MACROD1: variants seen among roughly 807,000 people sequenced by gnomAD.
MACROD1 encodes ADP-ribose glycohydrolase MACROD1.
Under a neutral mutation model 41.4 loss-of-function variants are expected in MACROD1, and 31 were observed. The observed-to-expected ratio is 0.75, with a 90% confidence interval of 0.56 to 1.01. The LOEUF is 1.01. MACROD1 is among the 50% of genes least tolerant of loss of function. The probability of loss-of-function intolerance (pLI) is 0.00; values close to 1 mark genes in which losing one functional copy is unlikely to be tolerated. For missense variants in MACROD1, 473 were observed against 460.0 expected, an observed-to-expected ratio of 1.03 and a Z score of -0.26; for synonymous variants, 252 against 203.4, an observed-to-expected ratio of 1.24 and a Z score of -2.03.
At chr11:64,123,297 G>A (rs1022784219) in intron 3 of MACROD1, among the ~76,000 whole-genome samples, 10 of 152,192 alleles carry the variant, frequency 6.6e-5, no homozygotes, top group Non-Finnish European at 1.5e-4. Context: ...ACTCACAGGC[G>A]ATTCGCAGCC....
At chr11:64,001,623 A>G in intron 4 of MACROD1, 1 of 701,222 alleles carries the variant, frequency 1.4e-6, no homozygotes, top group South Asian at 1.5e-5. Context: ...GCAATTTCCC[A>G]GAGCGTCCCA....
intron 3 of MACROD1, among the ~76,000 whole-genome samples, chr11:64,016,104 C>T (rs944027997): frequency 3.3e-5 from 5 of 152,154 alleles, no homozygotes; most frequent in African/African-American, 7.2e-5. Flanking sequence ...GCTGGACTGA[C>T]GGCTTTGTGG....
At chr11:64,154,863 G>A (rs991809332) in intron 1 of MACROD1, among the ~76,000 whole-genome samples, 5 of 152,130 alleles carry the variant, frequency 3.3e-5, no homozygotes, top group African/African-American at 9.7e-5. Flanking sequence ...GGGATTACAC[G>A]CGTGTGCCAG....
intron 4 of MACROD1, among the ~76,000 whole-genome samples, chr11:64,010,551 AT>A: frequency 9.7e-6 from 1 of 102,888 alleles, no homozygotes; most frequent in Non-Finnish European, 1.9e-5. Flanking sequence ...GTTGGTTGGC[AT>A]GTGTTGGTTG....
intron 3 of MACROD1, among the ~76,000 whole-genome samples, chr11:64,017,585 G>A (rs1005712147): frequency 2.0e-5 from 3 of 152,036 alleles, no homozygotes; most frequent in Non-Finnish European, 2.9e-5. Context: ...AGAGTACCCC[G>A]CAAGCCCCAG....
intron 3 of MACROD1, among the ~76,000 whole-genome samples, chr11:64,032,882 T>C (rs1590816623): frequency 6.6e-6 from 1 of 152,178 alleles, no homozygotes; most frequent in African/African-American, 2.4e-5. Context: ...CAGGTTTGTC[T>C]AAGACCCTGC....
At chr11:64,097,013 G>C (rs1944588556) in intron 3 of MACROD1, among the ~76,000 whole-genome samples, 1 of 152,210 alleles carries the variant, frequency 6.6e-6, no homozygotes, top group South Asian at 2.1e-4. Context: ...AAAGGCACAA[G>C]AGCACTCCAG....
chr11:64,032,638 G>A (rs1366078360), intron 3 of MACROD1, among the ~76,000 whole-genome samples: 3 of 152,062 alleles, frequency 2.0e-5, no homozygotes, highest in Non-Finnish European at 4.4e-5. Context: ...CTGCCCTTGC[G>A]GCTGAGTGCA....
intron 3 of MACROD1, among the ~76,000 whole-genome samples, chr11:64,045,271 C>G (rs59863478): frequency 6.6e-6 from 1 of 152,180 alleles, no homozygotes; most frequent in South Asian, 2.1e-4. Flanking sequence ...GGCGGCCTGC[C>G]GTCACAGAGC....
Position 64,122,570 on chromosome 11 carries a change from G to C in MACROD1, c.517+28669C>G, listed in dbSNP as rs1458105989. On this transcript the variant is annotated intron_variant, in intron 3 of 10. Transcript: ENST00000255681. This position sits in a 1 kb window ranked among gnomAD's most constrained non-coding sequence, Gnocchi z 4.0. ...GCCCAGCCCTGTCCGAACAAAGCCA[G>C]GCAGAGAGCTGAGGAGGGGGTCGGG... is the stretch of plus-strand genomic sequence containing the variant. Among the ~76,000 whole-genome samples, 1 of 152,256 alleles carries C rather than the reference G, an allele frequency of 6.6e-6. No individual in the cohort carries two copies. Among genetic ancestry groups the C allele is most frequent in the African/African-American group, 2.4e-5 (1 of 41,462 alleles).
intron 3 of MACROD1, among the ~76,000 whole-genome samples, chr11:64,057,397 G>C (rs1409240294): frequency 6.6e-6 from 1 of 152,200 alleles, no homozygotes; most frequent in African/African-American, 2.4e-5. Flanking sequence ...AAACCTCATG[G>C]GGAGTGACCC....
At chr11:64,138,887 C>A (rs1218013726) in intron 3 of MACROD1, among the ~76,000 whole-genome samples, 1 of 152,118 alleles carries the variant, frequency 6.6e-6, no homozygotes, top group Non-Finnish European at 1.5e-5. Context: ...CCTGCCTCAG[C>A]CTCCCGAGTA....
At chr11:64,116,978 G>C in intron 3 of MACROD1, 1 of 1,612,110 alleles carries the variant, frequency 6.2e-7, no homozygotes, top group Non-Finnish European at 8.5e-7. Flanking sequence ...TGGCCAACCA[G>C]CGCATCGCCG....
chr11:64,133,614 C>T (rs1387693947), intron 3 of MACROD1, among the ~76,000 whole-genome samples: 1 of 152,234 alleles, frequency 6.6e-6, no homozygotes, highest in Non-Finnish European at 1.5e-5. Flanking sequence ...GGGCATGGCC[C>T]TGCCACCCGC....
In MACROD1 at chr11:64,151,359, G is replaced by C. The variant is rs145110640; in HGVS notation, c.401-4C>G. The C allele has an allele frequency of 1.5e-4, 243 of 1,608,458 alleles. No homozygotes were observed. The African/African-American group carries it at 2.2e-3, about 15-fold the overall frequency. On this transcript the variant is annotated splice_polypyrimidine_tract_variant and splice_region_variant and intron_variant, in intron 2 of 10. Coordinates refer to ENST00000255681, the MANE Select transcript of MACROD1 (RefSeq NM_014067.4). ...TCCTCCACCTTCACAGCCACCCCTG[G>C]AACAAGTAGGGGCCGGGGAGGTCAC...
intron 4 of MACROD1, among the ~76,000 whole-genome samples, chr11:64,014,865 G>A (rs745937433): frequency 6.6e-5 from 10 of 152,194 alleles, no homozygotes; most frequent in East Asian, 5.8e-4. Context: ...TCCTGGCTGC[G>A]GAGCCCGAGG....
At chr11:64,015,427 G>C in intron 3 of MACROD1, 146 bp from the exon 4 acceptor site, 2 of 660,184 alleles carry the variant, frequency 3.0e-6, no homozygotes, top group Non-Finnish European at 5.2e-6. Context: ...GTCCTCCGGG[G>C]CGGTAGTAGA....
In MACROD1 at chr11:64,036,422, T is replaced by A. The variant is rs1943381521; in HGVS notation, c.518-21141A>T. 6.6e-6 allele frequency among the ~76,000 whole-genome samples: 1 copy of A among 151,888 alleles called. No homozygotes were observed. The highest frequency in any genetic ancestry group is 1.5e-5 in the Non-Finnish European group (1 of 67,952). On this transcript the variant is annotated intron_variant, in intron 3 of 10. Coordinates refer to ENST00000255681, the MANE Select transcript of MACROD1 (RefSeq NM_014067.4). The surrounding 1 kb of genome is among the most constrained non-coding windows in gnomAD (Gnocchi z 5.6). Reference sequence around the variant, plus strand: ...CGGGGTGCGCGGCCGGCGGCTCAGCTCTCCCGAGCCGAGGCTGGAAAGGGC... The same window carrying A: ...CGGGGTGCGCGGCCGGCGGCTCAGCACTCCCGAGCCGAGGCTGGAAAGGGC...
Position 64,064,682 on chromosome 11 carries a change from A to G in MACROD1, c.518-49401T>C, listed in dbSNP as rs539920635. ...GCAGGACATTAAACGGCACCGAGAT[A>G]GAAGGAGGGGGGCCCTCCCTGAGTT... On this transcript the variant is annotated intron_variant, in intron 3 of 10. Coordinates refer to ENST00000255681, the MANE Select transcript of MACROD1 (RefSeq NM_014067.4). The surrounding 1 kb of genome is among the most constrained non-coding windows in gnomAD (Gnocchi z 4.5). Among the ~76,000 whole-genome samples, 1,637 of 148,578 alleles carry G rather than the reference A, an allele frequency of 0.011. 30 individuals carry two copies. The highest frequency in any genetic ancestry group is 0.038 in the African/African-American group (1,542 of 40,716).
Sources: gnomAD v4.1 joint callset for allele counts (sites outside exome capture counted in the v4.1 genomes callset) on GRCh38, gnomAD v4.1.1 for gene constraint, Gnocchi (gnomAD v3.1) non-coding constraint, MANE v1.5 for transcripts, NCBI Gene and HGNC (gene_info 2026-07-23, HGNC 2026-07-21) for gene names.